NRG1: variants seen among roughly 807,000 people sequenced by gnomAD.
NRG1 encodes pro-neuregulin-1, membrane-bound isoform.
In NRG1, 18 loss-of-function variants were observed where a neutral mutation model predicts 63.8. That is an observed-to-expected ratio of 0.28 (90% CI 0.19 to 0.42). NRG1 has a LOEUF of 0.42. Ranked by LOEUF, NRG1 falls within the 10% of genes least tolerant of loss-of-function variation. The pLI is 1.00. For missense variants in NRG1, 762 were observed against 814.7 expected (o/e 0.94, Z 0.79); for synonymous variants, 302 against 301.3 (o/e 1.00, Z -0.02).
intron 1 of NRG1, among the ~76,000 whole-genome samples, chr8:32,189,122 G>T (rs979542099): frequency 6.6e-6 from 1 of 151,962 alleles, no homozygotes. Flanking sequence ...TCTTGTAAAA[G>T]ATTTCAACAT....
intron 5 of NRG1, among the ~76,000 whole-genome samples, chr8:32,641,004 A>G (rs944944550): frequency 6.6e-6 from 1 of 151,778 alleles, no homozygotes; most frequent in African/African-American, 2.4e-5. Context: ...TTAGCCAGGC[A>G]TGGTGGCATG....
chr8:31,846,251 C>T (rs141833105), intron 1 of NRG1, among the ~76,000 whole-genome samples: 1 of 152,272 alleles, frequency 6.6e-6, no homozygotes, highest in East Asian at 1.9e-4. Flanking sequence ...GAGAATAACT[C>T]GATGAGGATG....
At chr8:32,753,750 AT>A (rs1232528850) in intron 7 of NRG1, among the ~76,000 whole-genome samples, 2 of 152,188 alleles carry the variant, frequency 1.3e-5, no homozygotes, top group South Asian at 4.1e-4. Flanking sequence ...GCCTGACTCA[AT>A]TTACTAGTTA....
intron 1 of NRG1, among the ~76,000 whole-genome samples, chr8:32,342,677 T>C (rs1471838779): frequency 1.3e-5 from 2 of 152,246 alleles, no homozygotes; most frequent in Non-Finnish European, 2.9e-5. Flanking sequence ...AAATTTTCTG[T>C]ATCATATTTA....
chr8:31,996,160 C>T (rs1299738915), intron 1 of NRG1, among the ~76,000 whole-genome samples: 1 of 151,638 alleles, frequency 6.6e-6, no homozygotes, highest in African/African-American at 2.4e-5. Context: ...TTTAACAGGC[C>T]TCATTTCTTT....
intron 1 of NRG1, among the ~76,000 whole-genome samples, chr8:32,289,221 A>G (rs752840750): frequency 9.2e-5 from 14 of 152,146 alleles, no homozygotes; most frequent in Non-Finnish European, 1.9e-4. Flanking sequence ...AAGCTCTTTA[A>G]TCCTGAGGGG....
chr8:32,473,338 T>C (rs1362053587), intron 1 of NRG1, among the ~76,000 whole-genome samples: 1 of 152,224 alleles, frequency 6.6e-6, no homozygotes. Context: ...AATAATCTGG[T>C]AAACGAAATC....
At chr8:32,569,099 G>C (rs957113677) in intron 1 of NRG1, among the ~76,000 whole-genome samples, 1 of 152,086 alleles carries the variant, frequency 6.6e-6, no homozygotes, top group South Asian at 2.1e-4. Flanking sequence ...ACTCAGGCTG[G>C]AGTGCAGTGG....
At chr8:32,664,742 A>G (rs2128880972) in intron 5 of NRG1, among the ~76,000 whole-genome samples, 1 of 152,288 alleles carries the variant, frequency 6.6e-6, no homozygotes, top group Non-Finnish European at 1.5e-5. Flanking sequence ...AAGGAATACC[A>G]CTGAACTAAT....
At chr8:32,228,442 G>A (rs972464749) in intron 1 of NRG1, among the ~76,000 whole-genome samples, 1 of 152,008 alleles carries the variant, frequency 6.6e-6, no homozygotes, top group Admixed American at 6.6e-5. Context: ...CAGTTCTAAT[G>A]TTCAATAGTA....
intron 1 of NRG1, among the ~76,000 whole-genome samples, chr8:32,225,242 G>A (rs1445655816): frequency 1.3e-5 from 2 of 152,194 alleles, no homozygotes; most frequent in South Asian, 4.1e-4. Context: ...GGACAAAGTA[G>A]TTACTGCACG....
chr8:32,230,880 C>A (rs917709037), intron 1 of NRG1, among the ~76,000 whole-genome samples: 2 of 152,014 alleles, frequency 1.3e-5, no homozygotes, highest in Non-Finnish European at 2.9e-5. Flanking sequence ...AGAAACAGTC[C>A]AATTCTCCTC....
chr8:32,055,814 G>A (rs1822833112), intron 1 of NRG1, among the ~76,000 whole-genome samples: 2 of 152,024 alleles, frequency 1.3e-5, no homozygotes, highest in Admixed American at 1.3e-4. Context: ...AGCCCCCTTG[G>A]TGGTGTTTTC....
At chr8:31,664,136 AC>A (rs1246819597) in intron 1 of NRG1, among the ~76,000 whole-genome samples, 2 of 152,184 alleles carry the variant, frequency 1.3e-5, no homozygotes, top group African/African-American at 4.8e-5. Context: ...TCCACCAACC[AC>A]ATACCCTCTT....
At chr8:32,162,939 A>C (rs1838995405) in intron 1 of NRG1, among the ~76,000 whole-genome samples, 1 of 152,186 alleles carries the variant, frequency 6.6e-6, no homozygotes, top group African/African-American at 2.4e-5. Context: ...AGGCTTGTGA[A>C]CATCCTTCCT....
chr8:32,491,941 AC>A (rs1160727821), intron 1 of NRG1, among the ~76,000 whole-genome samples: 2 of 152,254 alleles, frequency 1.3e-5, no homozygotes, highest in African/African-American at 4.8e-5. Context: ...AAGGTGGAAA[AC>A]TAGACTAAAT....
chr8:32,012,259 T>C lies in NRG1; in HGVS notation c.37+372828T>C, dbSNP rs1406229822. Among the ~76,000 whole-genome samples the C allele has an allele frequency of 3.9e-5, 6 of 152,092 alleles. No individual in the cohort carries two copies. The East Asian group carries it at 9.6e-4, about 24-fold the overall frequency. On this transcript the variant is annotated intron_variant, in intron 1 of 10. Transcript: ENST00000519301. ...ATGCTAATAGGTTATTGATGATGGT[T>C]TTATTTGCCAGCCATGAAAAATGCT...
At chr8:31,794,885 C>T (rs1227528260) in intron 1 of NRG1, among the ~76,000 whole-genome samples, 2 of 152,278 alleles carry the variant, frequency 1.3e-5, no homozygotes, top group East Asian at 1.9e-4. Context: ...TCCCTGCAAC[C>T]TCTGCCTCCT....
chr8:32,438,388 G>A (rs1039419170), intron 1 of NRG1, among the ~76,000 whole-genome samples: 3 of 151,924 alleles, frequency 2.0e-5, no homozygotes, highest in Admixed American at 6.6e-5. Flanking sequence ...CTTTGTTATC[G>A]CTGCATAGTA....
Sources: gnomAD v4.1 joint callset for allele counts (sites outside exome capture counted in the v4.1 genomes callset) on GRCh38, gnomAD v4.1.1 for gene constraint, MANE v1.5 for transcripts, NCBI Gene and HGNC (gene_info 2026-07-23, HGNC 2026-07-21) for gene names.